Variants in SPAST observed in about 807,000 individuals in gnomAD.
SPAST encodes spastic paraplegia 4 (autosomal dominant; spastin).
SPAST carries 30 observed loss-of-function variants against 76.6 expected under a neutral mutation model. The observed-to-expected ratio is 0.39, with a 90% CI of 0.29 to 0.53. SPAST has a LOEUF of 0.53. SPAST is among the 20% of genes least tolerant of loss of function. The pLI is 0.68. For synonymous variants in SPAST, 305 were observed against 281.0 expected (o/e 1.09, Z -0.86); for missense variants, 717 against 770.5 (o/e 0.93, Z 0.82).
At chr2:32,147,032 A>T (rs560029284) in intron 15 of SPAST, among the ~76,000 whole-genome samples, 186 bp from the exon 16 acceptor site, 53 of 152,160 alleles carry the variant, frequency 3.5e-4, no homozygotes, top group Non-Finnish European at 6.8e-4. Flanking sequence ...ATTCCAAAGA[A>T]GGAATATTCT....
chr2:32,111,970 TTAGTAGTAGTAGTAGTAGTAGTAG>T (rs55815291), intron 4 of SPAST, among the ~76,000 whole-genome samples: 2 of 141,270 alleles, frequency 1.4e-5, no homozygotes, highest in African/African-American at 5.2e-5. Flanking sequence ...TATAATTAAG[TTAGTAGTAGTAGTAGTAGTAGTAG>T]TAGTAGTAGT....
At chr2:32,085,817 G>GA (rs1217888945) in intron 1 of SPAST, among the ~76,000 whole-genome samples, 5 of 151,930 alleles carry the variant, frequency 3.3e-5, no homozygotes, top group Admixed American at 1.3e-4. Context: ...GAGGTGGGAG[G>GA]ATCACAACAA....
intron 4 of SPAST, among the ~76,000 whole-genome samples, chr2:32,101,453 A>G (rs1390316020): frequency 2.0e-5 from 3 of 148,220 alleles, no homozygotes; most frequent in South Asian, 2.1e-4. Flanking sequence ...CTGTGCAGAA[A>G]CTCTTTAGTT....
intron 4 of SPAST, among the ~76,000 whole-genome samples, chr2:32,113,826 C>T (rs1225073983): frequency 6.6e-6 from 1 of 152,126 alleles, no homozygotes; most frequent in Non-Finnish European, 1.5e-5. Flanking sequence ...CTCGATCTCC[C>T]AAAGTGCTGG....
At chr2:32,123,700 G>T (rs1412440668) in intron 7 of SPAST, among the ~76,000 whole-genome samples, 1 of 152,204 alleles carries the variant, frequency 6.6e-6, no homozygotes, top group Non-Finnish European at 1.5e-5. Flanking sequence ...ATTGGACAGA[G>T]AGCCTAGAAA....
At chr2:32,098,127 A>G (rs937928302) in intron 3 of SPAST, among the ~76,000 whole-genome samples, 3 of 152,118 alleles carry the variant, frequency 2.0e-5, no homozygotes, top group Non-Finnish European at 2.9e-5. Flanking sequence ...TAAGTTGCTA[A>G]TTATATTTAA....
At chr2:32,076,050 G>A (rs1454718502) in intron 1 of SPAST, among the ~76,000 whole-genome samples, 2 of 151,330 alleles carry the variant, frequency 1.3e-5, no homozygotes, top group Non-Finnish European at 2.9e-5. Context: ...ACAGGTACGC[G>A]CCACCACGCC....
chr2:32,148,983 A>C (rs1182434715), intron 16 of SPAST, among the ~76,000 whole-genome samples: 1 of 152,104 alleles, frequency 6.6e-6, no homozygotes, highest in African/African-American at 2.4e-5. Context: ...CAAAAAAAAA[A>C]AAATTACATG....
intron 3 of SPAST, among the ~76,000 whole-genome samples, chr2:32,091,165 C>G (rs1677698669): frequency 6.6e-6 from 1 of 151,090 alleles, no homozygotes; most frequent in Non-Finnish European, 1.5e-5. Flanking sequence ...GCAGGTAAAC[C>G]TTATTTATTT....
At chr2:32,085,996 C>T (rs1274693808) in intron 1 of SPAST, among the ~76,000 whole-genome samples, 9 of 151,594 alleles carry the variant, frequency 5.9e-5, no homozygotes, top group East Asian at 2.0e-4. Context: ...GAACCAAGAT[C>T]GTGCCACTGC....
intron 2 of SPAST, among the ~76,000 whole-genome samples, chr2:32,089,060 A>G (rs924497214): frequency 2.6e-5 from 4 of 151,902 alleles, no homozygotes; most frequent in Non-Finnish European, 4.4e-5. Flanking sequence ...TTTTTTTTAT[A>G]GGTATTATAT....
At chr2:32,115,018 G>A (rs554131602) in intron 5 of SPAST, among the ~76,000 whole-genome samples, 193 bp downstream of exon 5, 3 of 142,700 alleles carry the variant, frequency 2.1e-5, no homozygotes, top group Non-Finnish European at 3.0e-5. Context: ...GCGCGATCTC[G>A]GCTCATTGCA....
rs1676595987 is a variant in SPAST, at chr2:32,068,075, T to C, written c.415+3829T>C. Among the ~76,000 whole-genome samples, 8 of 150,450 alleles carry C rather than the reference T, an allele frequency of 5.3e-5. No homozygotes were observed. The South Asian group carries it at 1.3e-3, about 24-fold the overall frequency. On this transcript the variant is annotated intron_variant, in intron 1 of 16. Coordinates refer to ENST00000315285, the MANE Select transcript of SPAST (RefSeq NM_014946.4). Reference sequence around the variant, plus strand: ...CTCACTGCTAGCTCCGCCTCCCGGGTTCACGCCATTCTCCTGCCTCAGCTT... The same window carrying C: ...CTCACTGCTAGCTCCGCCTCCCGGGCTCACGCCATTCTCCTGCCTCAGCTT...
At chr2:32,089,445 G>A (rs1218226030) in intron 2 of SPAST, 77 bp from the exon 3 acceptor site, 5 of 830,834 alleles carry the variant, frequency 6.0e-6, no homozygotes, top group Non-Finnish European at 1.0e-5. Flanking sequence ...CCCCATGAAA[G>A]TAGTTTGGGT....
intron 1 of SPAST, among the ~76,000 whole-genome samples, chr2:32,078,472 G>C (rs139635591): frequency 1.3e-5 from 2 of 152,142 alleles, no homozygotes; most frequent in East Asian, 3.9e-4. Flanking sequence ...CACTGTGCCC[G>C]GCCCCATTTC....
chr2:32,105,008 G>C (rs1678264458), intron 4 of SPAST, among the ~76,000 whole-genome samples: 1 of 152,142 alleles, frequency 6.6e-6, no homozygotes, highest in Non-Finnish European at 1.5e-5. Context: ...TGCCTTGCTA[G>C]GTTGGGGAAC....
rs1679538961 is a variant in SPAST at position 32,136,428 on chromosome 2, C to CT, written c.1246-132dup. On this transcript the variant is annotated intron_variant, in intron 9 of 16. Coordinates refer to ENST00000315285, the MANE Select transcript of SPAST (RefSeq NM_014946.4). ...AAGGGACGGTTAGTAGTACTCTCCC[C>CT]TTTCTCAAACCAAATCTTTGGTTGT... 7.0e-6 allele frequency: 5 copies of CT among 716,964 alleles called. 1 individual carries two copies. In the East Asian group the frequency reaches 1.3e-4, roughly 19 times the overall value. 44.4% of individuals were successfully genotyped at this position (716,964 alleles called of 1,614,324 possible).
chr2:32,139,787 C>G (rs763155266), intron 12 of SPAST, among the ~76,000 whole-genome samples: 1 of 151,054 alleles, frequency 6.6e-6, no homozygotes, highest in Non-Finnish European at 1.5e-5. Flanking sequence ...CGAGATCGTG[C>G]CACTGCACTG....
At position 32,074,334 on chromosome 2, in the gene SPAST, T is replaced by A. The variant is rs538173669; in HGVS notation, c.415+10088T>A. On this transcript the variant is annotated intron_variant, in intron 1 of 16. Coordinates refer to ENST00000315285, the MANE Select transcript of SPAST (RefSeq NM_014946.4). The stretch of plus-strand genomic sequence containing the variant: ...TTTAGACAGTGTTCAGTGTTCATGT[T>A]TTGCCTGTGTTTAGACATAATTGTA... 9.2e-5 allele frequency among the ~76,000 whole-genome samples: 14 copies of A among 152,256 alleles called. No homozygotes were observed. In the South Asian group the frequency reaches 2.9e-3, roughly 32 times the overall value.
Sources: allele counts gnomAD v4.1 joint callset (sites outside exome capture counted in the v4.1 genomes callset), GRCh38; gene constraint gnomAD v4.1.1; transcripts MANE v1.5; gene names NCBI Gene and HGNC (gene_info 2026-07-23, HGNC 2026-07-21).